Variants in PPP1R16B observed in about 807,000 individuals in gnomAD.
The protein encoded by PPP1R16B is protein phosphatase 1 regulatory subunit 16B.
A neutral mutation model predicts 61.7 loss-of-function variants in PPP1R16B; 14 were observed. The ratio of observed to expected loss-of-function variants is 0.23; its 90% CI spans 0.15 to 0.35. The LOEUF is 0.35. Among genes scored for constraint, PPP1R16B ranks in the 10% least tolerant of loss-of-function variants. The probability of loss-of-function intolerance (pLI) is 1.00; values close to 1 mark genes in which losing one functional copy is unlikely to be tolerated. For missense variants in PPP1R16B, 547 were observed against 752.5 expected (o/e 0.73, Z 3.19); for synonymous variants, 266 against 305.3 (o/e 0.87, Z 1.34).
chr20:38,907,774 G>A lies in PPP1R16B; in HGVS notation c.899-32G>A, dbSNP rs112917272. ...CTCTTGCGCCACAGGTCCTGGCCCC[G>A]TCCCCCACAACAGACTCCTCTGCCC... On this transcript the variant is annotated intron_variant, in intron 8 of 10. Transcript: ENST00000299824. The surrounding 1 kb of genome is among the most constrained non-coding windows in gnomAD (Gnocchi z 4.5). The A allele has an allele frequency of 3.7e-5, 59 of 1,612,456 alleles. No homozygotes were observed. The highest frequency in any genetic ancestry group is 4.7e-5 in the Non-Finnish European group (55 of 1,179,294).
intron 1 of PPP1R16B, among the ~76,000 whole-genome samples, chr20:38,818,043 C>A (rs566586325): frequency 6.6e-6 from 1 of 152,286 alleles, no homozygotes; most frequent in South Asian, 2.1e-4. Context: ...GACTCCGTCT[C>A]AAAAACAAAA....
intron 10 of PPP1R16B, among the ~76,000 whole-genome samples, chr20:38,914,312 T>C (rs1055497904): frequency 2.6e-5 from 4 of 152,150 alleles, no homozygotes; most frequent in Non-Finnish European, 5.9e-5. Flanking sequence ...GGAGGGGTCG[T>C]CTGAGCGTTC....
At chr20:38,832,503 T>C (rs185137097) in intron 1 of PPP1R16B, among the ~76,000 whole-genome samples, 2 of 152,216 alleles carry the variant, frequency 1.3e-5, no homozygotes, top group Non-Finnish European at 2.9e-5. Flanking sequence ...TATATCTAAG[T>C]GGCTAAAATA....
At chr20:38,874,477 T>C (rs1011875234) in intron 2 of PPP1R16B, among the ~76,000 whole-genome samples, 14 of 152,218 alleles carry the variant, frequency 9.2e-5, no homozygotes, top group African/African-American at 3.4e-4. Context: ...ATGACACATC[T>C]GAGATCAAAC....
At chr20:38,915,874 C>T (rs2085532983) in intron 10 of PPP1R16B, among the ~76,000 whole-genome samples, 1 of 151,828 alleles carries the variant, frequency 6.6e-6, no homozygotes. Context: ...CCACTCTAAG[C>T]ATCAGCAGGA....
chr20:38,873,561 G>A lies in PPP1R16B; in HGVS notation c.251-16034G>A, dbSNP rs563362660. Reference sequence around the variant, plus strand: ...CTCAGGAGGCTGTCGTCAATATGTGGGCCAAGGCCTGACTGGGTTAGGGGA... The same window carrying A: ...CTCAGGAGGCTGTCGTCAATATGTGAGCCAAGGCCTGACTGGGTTAGGGGA... On this transcript the variant is annotated intron_variant, in intron 2 of 10. Transcript: ENST00000299824. Among the ~76,000 whole-genome samples, 17 of 152,156 alleles carry A rather than the reference G, an allele frequency of 1.1e-4. No homozygotes were observed. In the South Asian group the frequency reaches 3.5e-3, roughly 32 times the overall value.
At chr20:38,820,958 A>G (rs186773232) in intron 1 of PPP1R16B, among the ~76,000 whole-genome samples, 333 of 150,342 alleles carry the variant, frequency 2.2e-3, no homozygotes, top group African/African-American at 7.6e-3. Context: ...GGAGAATGGC[A>G]TGAACCCAGG....
At position 38,862,613 on chromosome 20, in the gene PPP1R16B, A is replaced by C. The variant is rs992157325; in HGVS notation, c.250+26438A>C. The stretch of plus-strand genomic sequence containing the variant: ...CCTTTGTCCAGAAAATTCCTGACGT[A>C]ATGGATGGGCCTCATCATCCCGAGA... On this transcript the variant is annotated intron_variant, in intron 2 of 10. Coordinates refer to ENST00000299824, the MANE Select transcript of PPP1R16B (RefSeq NM_015568.4). Among the ~76,000 whole-genome samples, 50 of 152,236 alleles carry C rather than the reference A, an allele frequency of 3.3e-4. 1 individual carries two copies. The highest frequency in any genetic ancestry group is 1.2e-3 in the African/African-American group (49 of 41,458).
In PPP1R16B at chr20:38,812,531, C is replaced by CT. The variant is rs35343626; in HGVS notation, c.-102+6740dup. 2.0e-5 allele frequency among the ~76,000 whole-genome samples: 3 copies of CT among 152,262 alleles called. No homozygotes were observed. In the South Asian group the frequency reaches 6.2e-4, roughly 32 times the overall value. ...GTTTTCTTTGGACCGTTTGATGTCC[C>CT]TGGATGGCTTTAGGCAGGAAAGCAG... On this transcript the variant is annotated intron_variant, in intron 1 of 10. Transcript: ENST00000299824.
chr20:38,854,481 G>A (rs1401685900), intron 2 of PPP1R16B, among the ~76,000 whole-genome samples: 1 of 152,166 alleles, frequency 6.6e-6, no homozygotes, highest in Admixed American at 6.5e-5. Context: ...GTTCACAAAT[G>A]CAGTGTGCTC....
chr20:38,819,622 CT>C (rs2084760266), intron 1 of PPP1R16B, among the ~76,000 whole-genome samples: 1 of 152,182 alleles, frequency 6.6e-6, no homozygotes, highest in South Asian at 2.1e-4. Context: ...AGCAGCAGCA[CT>C]TTCTGCTCCA....
chr20:38,844,941 T>C (rs533559588), intron 2 of PPP1R16B, among the ~76,000 whole-genome samples: 1 of 152,206 alleles, frequency 6.6e-6, no homozygotes, highest in East Asian at 1.9e-4. Context: ...GACAATACCC[T>C]GGGATAGCAA....
At chr20:38,855,907 CATATATATATATATATATATAT>C (rs371138532) in intron 2 of PPP1R16B, among the ~76,000 whole-genome samples, 3 of 17,790 alleles carry the variant, frequency 1.7e-4, no homozygotes, top group African/African-American at 8.3e-4. Flanking sequence ...CAGTTTCCTA[CATATATATATATATATATATAT>C]ATATATATAT....
chr20:38,918,510 C>A lies in PPP1R16B; in HGVS notation c.1548C>A (p.Gly516=). The change falls in exon 11 of 11, where the codon GGC becomes GGA. Residue 516 remains glycine (G), a synonymous_variant. Coordinates refer to ENST00000299824, the MANE Select transcript of PPP1R16B (RefSeq NM_015568.4). This position sits in a 1 kb window ranked among gnomAD's most constrained non-coding sequence, Gnocchi z 5.3. ...MARTGESSSE[G]KAPLIGGRTS... Reference sequence around the variant, plus strand: ...GGACGGGCGAGAGTAGCAGTGAAGGCAAGGCCCCCTTGATCGGAGGCAGAA... The same window carrying A: ...GGACGGGCGAGAGTAGCAGTGAAGGAAAGGCCCCCTTGATCGGAGGCAGAA... 1 of 1,602,170 alleles carries A rather than the reference C, an allele frequency of 6.2e-7. No homozygotes were observed.
intron 2 of PPP1R16B, among the ~76,000 whole-genome samples, chr20:38,854,335 C>T (rs2084989237): frequency 6.6e-6 from 1 of 152,184 alleles, no homozygotes; most frequent in South Asian, 2.1e-4. Context: ...CTATTAGCTG[C>T]ATAGACACAA....
At chr20:38,809,126 C>T (rs2084682179) in intron 1 of PPP1R16B, among the ~76,000 whole-genome samples, 1 of 152,062 alleles carries the variant, frequency 6.6e-6, no homozygotes, top group South Asian at 2.1e-4. Flanking sequence ...ACTATTTCCT[C>T]CTTTGTGTTG....
Position 38,918,290 on chromosome 20 carries a change from A to G in PPP1R16B, c.1328A>G (p.Asp443Gly), listed in dbSNP as rs1350799658. ...TACCAGTATGCGCTGGCCAACGGGG[A>G]TGTCTGGAAGGTGCATGAGGTGCCT... ...SAYQYALANG[D>G]VWKVHEVPDY... is the part of the protein sequence containing the mutation. Residue 443 changes from aspartate to glycine, a missense_variant, in exon 11 of 11, where the codon GAT (aspartate) becomes GGT (glycine). Physicochemically the swap from Asp to Gly is moderately conservative, Grantham distance 94. Transcript: ENST00000299824. This position sits in a 1 kb window ranked among gnomAD's most constrained non-coding sequence, Gnocchi z 5.3. 2 of 1,614,156 alleles carry G rather than the reference A, an allele frequency of 1.2e-6. No individual in the cohort carries two copies. The highest frequency in any genetic ancestry group is 2.7e-5 in the African/African-American group (2 of 75,038).
chr20:38,856,311 C>G (rs969271523), intron 2 of PPP1R16B, among the ~76,000 whole-genome samples: 4 of 152,092 alleles, frequency 2.6e-5, no homozygotes, highest in African/African-American at 9.7e-5. Context: ...AGCCCCAGAC[C>G]TGGGGTAGAG....
At chr20:38,870,848 A>T (rs2085124065) in intron 2 of PPP1R16B, among the ~76,000 whole-genome samples, 2 of 152,046 alleles carry the variant, frequency 1.3e-5, no homozygotes, top group African/African-American at 4.8e-5. Flanking sequence ...CTCAAACTGG[A>T]GGGCTGGAGG....
Sources: allele counts gnomAD v4.1 joint callset (sites outside exome capture counted in the v4.1 genomes callset), GRCh38; gene constraint gnomAD v4.1.1; non-coding constraint Gnocchi (gnomAD v3.1); transcripts MANE v1.5; gene names NCBI Gene and HGNC (gene_info 2026-07-23, HGNC 2026-07-21).